The following SPON1 variants were observed in gnomAD, a reference collection of about 807,000 sequenced individuals.
SPON1 encodes spondin 1.
SPON1 carries 52 observed loss-of-function variants against 111.7 expected under a neutral mutation model. The ratio of observed to expected loss-of-function variants is 0.47; its 90% confidence interval spans 0.37 to 0.59. SPON1 has a LOEUF of 0.59. Ranked by LOEUF, SPON1 falls within the 20% of genes least tolerant of loss-of-function variation. SPON1 has a pLI of 0.00. For synonymous variants in SPON1, 410 were observed against 395.8 expected, an observed-to-expected ratio of 1.04 and a Z score of -0.43; for missense variants, 957 against 1,068.5, an observed-to-expected ratio of 0.90 and a Z score of 1.46.
At chr11:13,985,665 TC>T (rs11322025) in intron 2 of SPON1, among the ~76,000 whole-genome samples, 3,306 of 152,176 alleles carry the variant, frequency 0.022, 125 homozygotes, top group African/African-American at 0.075. Flanking sequence ...ATTAGCCTTT[TC>T]TTTTTTCCCC....
In SPON1 at chr11:14,238,570, C is replaced by T. The variant is rs115827058; in HGVS notation, c.826-4762C>T. On this transcript the variant is annotated intron_variant, in intron 6 of 15. Transcript: ENST00000576479. ...ACTCACAGTCTTACTTTCTGTTCTG[C>T]TCAGACCACCCTGTTTATCTCCTGG... Among the ~76,000 whole-genome samples the T allele has an allele frequency of 9.4e-4, 143 of 152,250 alleles. 1 individual carries two copies. Among genetic ancestry groups the T allele is most frequent in the Middle Eastern group, 3.4e-3 (1 of 294 alleles).
intron 1 of SPON1, among the ~76,000 whole-genome samples, chr11:13,966,934 A>T (rs2618491): frequency 0.072 from 10,917 of 152,292 alleles, 1,290 homozygotes; most frequent in African/African-American, 0.25. Context: ...TGCTAAAAAA[A>T]TATGTTATGA....
At chr11:14,231,972 C>CGTGTGTGT (rs10650808) in intron 6 of SPON1, among the ~76,000 whole-genome samples, 24 of 149,418 alleles carry the variant, frequency 1.6e-4, no homozygotes, top group African/African-American at 2.5e-4. Flanking sequence ...CCTCCTACGC[C>CGTGTGTGT]GTGTGTGTGT....
chr11:14,218,640 G>A (rs2133905495), intron 6 of SPON1, among the ~76,000 whole-genome samples: 1 of 152,264 alleles, frequency 6.6e-6, no homozygotes, highest in Middle Eastern at 3.4e-3. Context: ...TAGTCATGGT[G>A]ACAAGTAGGC....
chr11:14,059,773 G>T (rs1554919636), intron 3 of SPON1, among the ~76,000 whole-genome samples: 1 of 152,148 alleles, frequency 6.6e-6, no homozygotes, highest in East Asian at 1.9e-4. Context: ...TTCTAAAACA[G>T]GTTTTTACAG....
intron 2 of SPON1, among the ~76,000 whole-genome samples, chr11:14,029,132 C>T (rs1848540249): frequency 6.6e-6 from 1 of 152,036 alleles, no homozygotes. Flanking sequence ...CCTACACACA[C>T]ACACACACAC....
At chr11:14,001,988 A>G (rs1331492227) in intron 2 of SPON1, among the ~76,000 whole-genome samples, 1 of 152,172 alleles carries the variant, frequency 6.6e-6, no homozygotes, top group African/African-American at 2.4e-5. Flanking sequence ...AGGGAAGAAG[A>G]GTTGAATCAA....
intron 2 of SPON1, among the ~76,000 whole-genome samples, chr11:13,985,731 G>A (rs1401338059): frequency 6.6e-6 from 1 of 152,106 alleles, no homozygotes; most frequent in Non-Finnish European, 1.5e-5. Flanking sequence ...TTTTTCAGAT[G>A]ATGAAACTGA....
intron 2 of SPON1, among the ~76,000 whole-genome samples, chr11:14,018,598 C>G (rs1554914517): frequency 6.6e-6 from 1 of 152,162 alleles, no homozygotes; most frequent in Non-Finnish European, 1.5e-5. Context: ...AAACAAATGA[C>G]TAAACTGCAG....
chr11:14,220,126 T>C (rs984969024), intron 6 of SPON1, among the ~76,000 whole-genome samples: 5 of 151,778 alleles, frequency 3.3e-5, no homozygotes, highest in African/African-American at 1.2e-4. Context: ...ATATGGAGGC[T>C]GTGTTGCCCC....
chr11:14,216,580 A>G (rs1554937168), intron 6 of SPON1, among the ~76,000 whole-genome samples: 1 of 152,206 alleles, frequency 6.6e-6, no homozygotes, highest in African/African-American at 2.4e-5. Context: ...TACCAAGAGC[A>G]TGGTGCCAGT....
At chr11:14,244,287 A>G (rs1848963230) in intron 7 of SPON1, among the ~76,000 whole-genome samples, 1 of 152,206 alleles carries the variant, frequency 6.6e-6, no homozygotes, top group African/African-American at 2.4e-5. Flanking sequence ...TAGGAAGCCA[A>G]GGCGGGCAGA....
Position 14,259,156 on chromosome 11 carries a change from G to A in SPON1, c.1493-124G>A, listed in dbSNP as rs1554941560. The A allele has an allele frequency of 2.0e-5, 21 of 1,026,466 alleles. No individual in the cohort carries two copies. The highest frequency in any genetic ancestry group is 2.6e-5 in the Non-Finnish European group (19 of 721,396). The allele number at this position is 1,026,466 out of a possible 1,614,324, so 63.6% of individuals were successfully genotyped here. A position where few individuals can be genotyped will look rare whatever the true frequency, so the allele number is the denominator to read the frequency against. ...CAGTTTAAGGATTTAGACCTCTTAG[G>A]TGTGCAGACAACCTCAACTGCCTGA... On this transcript the variant is annotated intron_variant, in intron 11 of 15. Transcript: ENST00000576479. The surrounding 1 kb of genome is among the most constrained non-coding windows in gnomAD (Gnocchi z 5.0).
At chr11:14,253,051 G>C (rs1348266144) in intron 7 of SPON1, among the ~76,000 whole-genome samples, 1 of 152,232 alleles carries the variant, frequency 6.6e-6, no homozygotes, top group Non-Finnish European at 1.5e-5. Flanking sequence ...AGACTGGCCT[G>C]TCAGGGCCCA....
At chr11:14,189,946 A>G (rs1246808752) in intron 6 of SPON1, among the ~76,000 whole-genome samples, 1 of 152,216 alleles carries the variant, frequency 6.6e-6, no homozygotes, top group African/African-American at 2.4e-5. Flanking sequence ...TGCTACCTGT[A>G]TTTTGTAAGC....
At position 14,094,857 on chromosome 11, in the gene SPON1, C is replaced by T. The variant is rs530759508; in HGVS notation, c.676+14836C>T. Among the ~76,000 whole-genome samples, 33 of 152,234 alleles carry T rather than the reference C, an allele frequency of 2.2e-4. No homozygotes were observed. The East Asian group carries it at 3.9e-3, about 18-fold the overall frequency. Reference sequence around the variant, plus strand: ...GGGGCCAGTGGTGTGTGGGAGGATGCGCAAGGAGGACATTGCAGTCAGTTA... The same window carrying T: ...GGGGCCAGTGGTGTGTGGGAGGATGTGCAAGGAGGACATTGCAGTCAGTTA... On this transcript the variant is annotated intron_variant, in intron 5 of 15. Coordinates refer to ENST00000576479, the MANE Select transcript of SPON1 (RefSeq NM_006108.4).
chr11:14,197,001 G>A (rs1755556903), intron 6 of SPON1, among the ~76,000 whole-genome samples: 1 of 152,172 alleles, frequency 6.6e-6, no homozygotes. Context: ...AGTGAACAGA[G>A]ATGGCACCAC....
chr11:14,182,520 C>A (rs1421383396), intron 6 of SPON1, among the ~76,000 whole-genome samples: 2 of 152,162 alleles, frequency 1.3e-5, no homozygotes, highest in Admixed American at 1.3e-4. Context: ...AGCAGATAGT[C>A]ACCCCATCTC....
intron 3 of SPON1, among the ~76,000 whole-genome samples, chr11:14,066,693 TCA>T (rs782560953): frequency 3.2e-4 from 49 of 152,264 alleles, no homozygotes; most frequent in Non-Finnish European, 5.7e-4. Flanking sequence ...AAACTCCTAC[TCA>T]CAACCCCCAC....
Sources: allele counts gnomAD v4.1 joint callset (sites outside exome capture counted in the v4.1 genomes callset), GRCh38; gene constraint gnomAD v4.1.1; non-coding constraint Gnocchi (gnomAD v3.1); transcripts MANE v1.5; gene names NCBI Gene and HGNC (gene_info 2026-07-23, HGNC 2026-07-21).